The following PCSK6 variants were observed in gnomAD, a reference collection of about 807,000 sequenced individuals.
PCSK6 encodes proprotein convertase subtilisin/kexin type 6, also known as paired basic amino acid cleaving enzyme 4.
Under a neutral mutation model 123.3 loss-of-function variants are expected in PCSK6, and 85 were observed. The ratio of observed to expected loss-of-function variants is 0.69; its 90% CI spans 0.58 to 0.83. The LOEUF is 0.83. PCSK6 is among the 40% of genes least tolerant of loss of function. The probability of loss-of-function intolerance (pLI) is 0.00; values close to 1 mark genes in which losing one functional copy is unlikely to be tolerated. For missense variants in PCSK6, 1,191 were observed against 1,282.3 expected (o/e 0.93, Z 1.09); for synonymous variants, 508 against 516.0 (o/e 0.98, Z 0.21).
In PCSK6 at chr15:101,430,962, C is replaced by T. The variant is rs1596325776; in HGVS notation, c.657+358G>A. Among the ~76,000 whole-genome samples the T allele has an allele frequency of 3.3e-5, 5 of 152,294 alleles. No homozygotes were observed. In the South Asian group the frequency reaches 1.0e-3, roughly 32 times the overall value. ...TCATTTGCAGACCCAGGATAGGAAC[C>T]CAGGCACTCTGGGCCTAGAGCCCGT... On this transcript the variant is annotated intron_variant, in intron 4 of 21. Coordinates refer to ENST00000611716, the MANE Select transcript of PCSK6 (RefSeq NM_002570.5).
chr15:101,441,493 C>T (rs1231384659), intron 2 of PCSK6, among the ~76,000 whole-genome samples: 1 of 151,986 alleles, frequency 6.6e-6, no homozygotes, highest in Non-Finnish European at 1.5e-5. Context: ...GGGTCCTGCA[C>T]TCAGCAGGTG....
rs199628962 is a variant in PCSK6 at position 101,394,137 on chromosome 15, G to T, written c.997-713C>A. Among the ~76,000 whole-genome samples the T allele has an allele frequency of 1.3e-3, 119 of 89,540 alleles. 1 individual carries two copies. Among genetic ancestry groups the T allele is most frequent in the Admixed American group, 1.6e-3 (14 of 8,690 alleles). The allele number at this position is 89,540 out of a possible 152,430, so 58.7% of individuals were successfully genotyped here. A position where few individuals can be genotyped will look rare whatever the true frequency, so the allele number is the denominator to read the frequency against. ...GTGTAGGTTTTCTTTCCGTTTTTTT[G>T]TTTTTTGTTTTTTTTTTTTTGAGAC... On this transcript the variant is annotated intron_variant, in intron 7 of 21. Coordinates refer to ENST00000611716, the MANE Select transcript of PCSK6 (RefSeq NM_002570.5).
At chr15:101,429,283 G>A (rs562357102) in intron 5 of PCSK6, among the ~76,000 whole-genome samples, 7 of 152,246 alleles carry the variant, frequency 4.6e-5, no homozygotes, top group South Asian at 4.1e-4. Context: ...CAGGGCTGCC[G>A]TTTACACTGC....
chr15:101,323,703 A>G (rs1348691772), intron 17 of PCSK6, among the ~76,000 whole-genome samples: 1 of 148,304 alleles, frequency 6.7e-6, no homozygotes, highest in Non-Finnish European at 1.5e-5. Flanking sequence ...ACTGCACTCC[A>G]GCCTGGGAGA....
At chr15:101,356,940 C>T (rs1189450134) in intron 13 of PCSK6, among the ~76,000 whole-genome samples, 2 of 152,270 alleles carry the variant, frequency 1.3e-5, no homozygotes, top group Non-Finnish European at 2.9e-5. Flanking sequence ...TTACCTAAGC[C>T]ACGTTCAATC....
chr15:101,476,653 G>A (rs777464981), intron 1 of PCSK6, among the ~76,000 whole-genome samples: 8 of 152,004 alleles, frequency 5.3e-5, no homozygotes, highest in Non-Finnish European at 1.0e-4. Flanking sequence ...ATATACTAAT[G>A]TGTGAACAGT....
intron 1 of PCSK6, among the ~76,000 whole-genome samples, chr15:101,458,199 C>T: frequency 6.6e-6 from 1 of 152,226 alleles, no homozygotes; most frequent in Non-Finnish European, 1.5e-5. Context: ...TCTCAGCAAA[C>T]AACCAGCAAG....
intron 13 of PCSK6, among the ~76,000 whole-genome samples, chr15:101,351,551 G>C (rs2040891079): frequency 6.6e-6 from 1 of 152,196 alleles, no homozygotes; most frequent in African/African-American, 2.4e-5. Context: ...ATCAATGAAA[G>C]CAGTCTCTGA....
At chr15:101,470,024 G>A (rs2057567318) in intron 1 of PCSK6, among the ~76,000 whole-genome samples, 1 of 152,106 alleles carries the variant, frequency 6.6e-6, no homozygotes, top group Non-Finnish European at 1.5e-5. Flanking sequence ...TGGCATTATT[G>A]CAAACATTCA....
intron 13 of PCSK6, among the ~76,000 whole-genome samples, chr15:101,352,906 A>G (rs1239428814): frequency 6.6e-6 from 1 of 152,198 alleles, no homozygotes; most frequent in Non-Finnish European, 1.5e-5. Flanking sequence ...CTTAAAACCA[A>G]GCATCTATTC....
At chr15:101,448,034 G>A (rs965785069) in intron 1 of PCSK6, among the ~76,000 whole-genome samples, 1 of 152,242 alleles carries the variant, frequency 6.6e-6, no homozygotes, top group Non-Finnish European at 1.5e-5. Flanking sequence ...CAATGAATCT[G>A]ACTGCTAGTC....
chr15:101,430,429 G>A (rs550173853), intron 4 of PCSK6, among the ~76,000 whole-genome samples: 6 of 152,302 alleles, frequency 3.9e-5, no homozygotes, highest in South Asian at 4.1e-4. Flanking sequence ...TGGCTACTCC[G>A]AGTCACTCGT....
rs941922979 is a variant in PCSK6, at chr15:101,398,291, G to A, written c.996+113C>T. ...ACTGGCCCTGGCACCTGTCACAGCA[G>A]AGTCTTCCCTGTCTTGTTTCAGGGC... On this transcript the variant is annotated intron_variant, in intron 7 of 21. Transcript: ENST00000611716. The surrounding 1 kb of genome is among the most constrained non-coding windows in gnomAD (Gnocchi z 4.6). 6.5e-5 allele frequency: 85 copies of A among 1,306,324 alleles called. No individual in the cohort carries two copies. Among genetic ancestry groups the A allele is most frequent in the Non-Finnish European group, 1.4e-5 (13 of 953,992 alleles). 80.9% of individuals were successfully genotyped at this position (1,306,324 alleles called of 1,614,324 possible).
intron 13 of PCSK6, among the ~76,000 whole-genome samples, chr15:101,356,677 CAAAA>C (rs960358578): frequency 1.7e-5 from 2 of 117,912 alleles, no homozygotes; most frequent in African/African-American, 3.4e-5. Flanking sequence ...GAGACTGTCT[CAAAA>C]TAAATAAATA....
At chr15:101,444,943 C>T (rs2056848529) in intron 1 of PCSK6, among the ~76,000 whole-genome samples, 1 of 152,200 alleles carries the variant, frequency 6.6e-6, no homozygotes, top group Non-Finnish European at 1.5e-5. Flanking sequence ...CTTTGCTTCC[C>T]TTCAGTTCTC....
intron 10 of PCSK6, among the ~76,000 whole-genome samples, chr15:101,382,572 C>A (rs933232591): frequency 1.3e-5 from 2 of 152,156 alleles, no homozygotes; most frequent in Non-Finnish European, 2.9e-5. Flanking sequence ...TAAGACCAGA[C>A]AAGAGAAACA....
chr15:101,451,464 C>T (rs1447729682), intron 1 of PCSK6, among the ~76,000 whole-genome samples: 1 of 152,186 alleles, frequency 6.6e-6, no homozygotes, highest in Non-Finnish European at 1.5e-5. Flanking sequence ...CCAGCCAAAC[C>T]CTTCCACACG....
chr15:101,419,599 G>A (rs2056010866), intron 6 of PCSK6, among the ~76,000 whole-genome samples: 1 of 150,508 alleles, frequency 6.6e-6, no homozygotes, highest in East Asian at 1.9e-4. Context: ...GAGAAAATGT[G>A]CAAGAATAGC....
chr15:101,402,538 A>G (rs1596295891), intron 6 of PCSK6, among the ~76,000 whole-genome samples: 1 of 152,248 alleles, frequency 6.6e-6, no homozygotes, highest in African/African-American at 2.4e-5. Context: ...AAGGGCTAGT[A>G]TCCAGAATCT....
Sources: allele counts gnomAD v4.1 joint callset (sites outside exome capture counted in the v4.1 genomes callset), GRCh38; gene constraint gnomAD v4.1.1; non-coding constraint Gnocchi (gnomAD v3.1); transcripts MANE v1.5; gene names NCBI Gene and HGNC (gene_info 2026-07-23, HGNC 2026-07-21).